The following OPRM1 variants were observed in gnomAD, a reference collection of about 807,000 sequenced individuals.
OPRM1 encodes mu-type opioid receptor.
Under a neutral mutation model 31.8 loss-of-function variants are expected in OPRM1, and 27 were observed. The observed-to-expected ratio is 0.85, with a 90% CI of 0.63 to 1.17. The LOEUF (loss-of-function observed/expected upper bound fraction) is 1.17. OPRM1 is among the 50% of genes most tolerant of loss of function. The pLI, the probability that OPRM1 is intolerant of heterozygous loss-of-function variation, is 0.00. For synonymous variants in OPRM1, 196 were observed against 189.9 expected (o/e 1.03, Z -0.26); for missense variants, 536 against 511.1 (o/e 1.05, Z -0.47).
chr6:154,037,582 C>A (rs546547647), upstream of OPRM1, among the ~76,000 whole-genome samples: 1 of 152,094 alleles, frequency 6.6e-6, no homozygotes, highest in East Asian at 1.9e-4. Context: ...TAAGAAACAA[C>A]TGAATGATGC....
intron 1 of OPRM1, among the ~76,000 whole-genome samples, chr6:154,028,472 G>A (rs890776061): frequency 1.3e-5 from 2 of 152,196 alleles, no homozygotes; most frequent in African/African-American, 4.8e-5. Flanking sequence ...CTCTCCGTTA[G>A]CCACCACATA....
At chr6:154,176,369 G>C (rs1317088151) in intron 3 of OPRM1, among the ~76,000 whole-genome samples, 1 of 152,238 alleles carries the variant, frequency 6.6e-6, no homozygotes, top group Admixed American at 6.5e-5. Context: ...ATTAGGAAAA[G>C]AGGAGGTCAA....
chr6:154,219,970 C>T (rs1034032394), intron 3 of OPRM1, among the ~76,000 whole-genome samples: 1 of 146,046 alleles, frequency 6.8e-6, no homozygotes, highest in Non-Finnish European at 1.5e-5. Flanking sequence ...CAGAGCTGAG[C>T]GGATACCTGT....
intron 3 of OPRM1, among the ~76,000 whole-genome samples, chr6:154,225,724 TA>T (rs1324891287): frequency 6.6e-6 from 1 of 152,256 alleles, no homozygotes; most frequent in African/African-American, 2.4e-5. Context: ...CTGCTCACTT[TA>T]AAGTAATTAA....
intron 3 of OPRM1, among the ~76,000 whole-genome samples, chr6:154,111,643 G>A (rs1425788326): frequency 6.6e-6 from 1 of 152,084 alleles, no homozygotes; most frequent in African/African-American, 2.4e-5. Context: ...CCTTAAATCA[G>A]CTTCCATTTG....
chr6:154,086,133 C>T (rs1424692756), intron 1 of OPRM1, among the ~76,000 whole-genome samples: 1 of 152,144 alleles, frequency 6.6e-6, no homozygotes, highest in Non-Finnish European at 1.5e-5. Flanking sequence ...CCACCAGGCC[C>T]AGCCCACATT....
chr6:154,040,726 A>G (rs1779884497), intron 1 of OPRM1, among the ~76,000 whole-genome samples: 1 of 152,154 alleles, frequency 6.6e-6, no homozygotes, highest in South Asian at 2.1e-4. Flanking sequence ...TGGGTGCTCT[A>G]GACAAAGTGT....
At chr6:154,138,047 T>C (rs1019371917) in intron 3 of OPRM1, among the ~76,000 whole-genome samples, 3 of 152,322 alleles carry the variant, frequency 2.0e-5, no homozygotes, top group Admixed American at 6.5e-5. Context: ...CTGAGCCCAG[T>C]AGAAAGCAAA....
intron 3 of OPRM1, chr6:154,213,032 C>T (rs1383855560): frequency 6.9e-6 from 4 of 579,308 alleles, no homozygotes; most frequent in Non-Finnish European, 1.2e-5. Flanking sequence ...GAGGCAGAAA[C>T]AAATGGCCAA....
At chr6:154,080,016 T>C (rs1788739240) in intron 1 of OPRM1, among the ~76,000 whole-genome samples, 2 of 152,260 alleles carry the variant, frequency 1.3e-5, no homozygotes, top group Non-Finnish European at 2.9e-5. Flanking sequence ...GAAAAGGGAA[T>C]ACTAATTAGT....
At chr6:154,077,642 A>G (rs1788153530) in intron 1 of OPRM1, among the ~76,000 whole-genome samples, 3 of 151,778 alleles carry the variant, frequency 2.0e-5, no homozygotes, top group Admixed American at 6.6e-5. Flanking sequence ...GAGGCAGGAG[A>G]ATCATTTGAA....
At position 154,039,531 on chromosome 6, in the gene OPRM1, C is replaced by T. The variant is rs199648369; in HGVS notation, c.-14C>T. 2 of 1,603,276 alleles carry T rather than the reference C, an allele frequency of 1.2e-6. No homozygotes were observed. Among genetic ancestry groups the T allele is most frequent in the Non-Finnish European group, 1.7e-6 (2 of 1,175,188 alleles). On this transcript the variant is annotated 5_prime_UTR_variant, in exon 1 of 4. Transcript: ENST00000330432. ...GCTACCTCGCACAGCGGTGCCCGCCCGGCCGTCAGTACCATGGACAGCAGC... is the reference window on the plus strand; with the variant it reads ...GCTACCTCGCACAGCGGTGCCCGCCTGGCCGTCAGTACCATGGACAGCAGC...
chr6:154,086,728 C>A (rs1179879491), intron 1 of OPRM1: 1 of 985,138 alleles, frequency 1.0e-6, no homozygotes, highest in Non-Finnish European at 1.2e-6. Flanking sequence ...AATTACTTAA[C>A]ATAAAACACC....
At chr6:154,198,631 T>TACACACACAC (rs3070838) in intron 3 of OPRM1, among the ~76,000 whole-genome samples, 10,074 of 146,720 alleles carry the variant, frequency 0.069, 379 homozygotes, top group African/African-American at 0.084. Flanking sequence ...AAATATTACA[T>TACACACACAC]ACACACACAC....
chr6:154,064,576 T>G (rs1355748486), intron 1 of OPRM1, among the ~76,000 whole-genome samples: 1 of 152,198 alleles, frequency 6.6e-6, no homozygotes, highest in African/African-American at 2.4e-5. Flanking sequence ...TCTAATGTTG[T>G]GTAGATTTTG....
At position 154,128,618 on chromosome 6, in the gene OPRM1, G is replaced by A. The variant is rs1420441225; in HGVS notation, c.*9897G>A. Among the ~76,000 whole-genome samples, 2 of 152,064 alleles carry A rather than the reference G, an allele frequency of 1.3e-5. No individual in the cohort carries two copies. Among genetic ancestry groups the A allele is most frequent in the African/African-American group, 4.8e-5 (2 of 41,398 alleles). ...CAGTAGGAAATTGAGAGATCAATTT[G>A]GTTACTGTTTTATCATTGATCCTGA... On this transcript the variant is annotated 3_prime_UTR_variant, in exon 4 of 4. Transcript: ENST00000330432.
intron 1 of OPRM1, chr6:154,086,560 C>A (rs1790627353): frequency 1.5e-5 from 15 of 984,646 alleles, no homozygotes; most frequent in Non-Finnish European, 1.8e-5. Context: ...CCATGTTGAA[C>A]CCTGACATAA....
intron 3 of OPRM1, among the ~76,000 whole-genome samples, chr6:154,175,453 G>T (rs565926114): frequency 6.7e-6 from 1 of 148,242 alleles, no homozygotes; most frequent in Non-Finnish European, 1.5e-5. Flanking sequence ...GAAGAAAGAA[G>T]AATCAAATAG....
chr6:154,126,366 C>A lies in OPRM1; in HGVS notation c.*7645C>A, dbSNP rs891210891. ...GGAGAGGAGACTACATTTGTGTGAC[C>A]TAATGGTTGTGATTTCACTGTCCAA... On this transcript the variant is annotated 3_prime_UTR_variant, in exon 4 of 4. Coordinates refer to ENST00000330432, the MANE Select transcript of OPRM1 (RefSeq NM_000914.5). Among the ~76,000 whole-genome samples, 4 of 152,110 alleles carry A rather than the reference C, an allele frequency of 2.6e-5. No homozygotes were observed. The highest frequency in any genetic ancestry group is 2.0e-4 in the Admixed American group (3 of 15,274).
Sources: gnomAD v4.1 joint callset for allele counts (sites outside exome capture counted in the v4.1 genomes callset) on GRCh38, gnomAD v4.1.1 for gene constraint, MANE v1.5 for transcripts, NCBI Gene and HGNC (gene_info 2026-07-23, HGNC 2026-07-21) for gene names.